MX2: variants seen among roughly 807,000 people sequenced by gnomAD.
The protein encoded by MX2 is interferon-induced GTP-binding protein Mx2.
MX2 carries 51 observed loss-of-function variants against 74.0 expected under a neutral mutation model. The ratio of observed to expected loss-of-function variants is 0.69; its 90% CI spans 0.55 to 0.87. The LOEUF is 0.87. MX2 is among the 40% of genes least tolerant of loss of function. The pLI, the probability that MX2 is intolerant of heterozygous loss-of-function variation, is 0.00. For synonymous variants in MX2, 369 were observed against 339.3 expected, an observed-to-expected ratio of 1.09 and a Z score of -0.96; for missense variants, 832 against 908.7, an observed-to-expected ratio of 0.92 and a Z score of 1.09.
At chr21:41,377,373 G>A (rs568850047) in intron 2 of MX2, among the ~76,000 whole-genome samples, 2 of 152,318 alleles carry the variant, frequency 1.3e-5, no homozygotes, top group African/African-American at 4.8e-5. Flanking sequence ...GCTTCTGTGT[G>A]CGGGGGTCCC....
chr21:41,390,537 C>CT (rs779751773), intron 5 of MX2, 28 bp from the exon 6 acceptor site: 4 of 1,613,652 alleles, frequency 2.5e-6, no homozygotes, highest in Non-Finnish European at 1.7e-6. Flanking sequence ...GACGTGTGCT[C>CT]TTTCTTTGTG....
chr21:41,401,870 C>G, intron 10 of MX2, 100 bp from the exon 11 acceptor site: 4 of 1,324,972 alleles, frequency 3.0e-6, no homozygotes, highest in African/African-American at 1.5e-5. Flanking sequence ...AACATTGCCT[C>G]TGCGTACAGT....
intron 6 of MX2, among the ~76,000 whole-genome samples, chr21:41,392,726 A>G (rs1276257975): frequency 6.6e-6 from 1 of 152,270 alleles, no homozygotes; most frequent in Non-Finnish European, 1.5e-5. Context: ...GTAGCTAAAG[A>G]CAGAGCAGGG....
At position 41,403,282 on chromosome 21, in the gene MX2, C is replaced by T; in HGVS notation, c.1589C>T (p.Ala530Val). ...TTTTGGTCAGAAATTATCCAGCAAG[C>T]TTTCATTAACGTGGCCAAAAAACAT... ...LQKAMEIIQQ[A>V]FINVAKKHFG... is the part of the protein sequence containing the mutation. The change falls in exon 12 of 14, where the codon GCT becomes GTT. Residue 530 changes from alanine (A) to valine (V), a missense_variant. Ala to Val is a moderately conservative substitution (Grantham distance 64). Coordinates refer to ENST00000330714, the MANE Select transcript of MX2 (RefSeq NM_002463.2). 1.9e-6 allele frequency: 3 copies of T among 1,612,794 alleles called. No individual in the cohort carries two copies. The highest frequency in any genetic ancestry group is 2.5e-6 in the Non-Finnish European group (3 of 1,179,254).
chr21:41,377,231 A>G (rs1362823785), intron 2 of MX2, 76 bp downstream of exon 2: 3 of 1,568,736 alleles, frequency 1.9e-6, no homozygotes, highest in Non-Finnish European at 2.6e-6. Context: ...TAAGCCCACC[A>G]CAATAATAGA....
At chr21:41,386,575 C>T (rs1601412587) in intron 5 of MX2, among the ~76,000 whole-genome samples, 1 of 152,190 alleles carries the variant, frequency 6.6e-6, no homozygotes, top group Non-Finnish European at 1.5e-5. Flanking sequence ...CCTCCTTGGC[C>T]CCCTGTAGTC....
Position 41,393,629 on chromosome 21 carries a change from A to G in MX2, c.872-1958A>G, listed in dbSNP as rs145709172. ...ATTCTCAGGCCTCTAAGTATGGAAA[A>G]CTTGGTTCTGGGCTCTCCTTCTATC... is the stretch of plus-strand genomic sequence containing the variant. On this transcript the variant is annotated intron_variant, in intron 6 of 13. Coordinates refer to ENST00000330714, the MANE Select transcript of MX2 (RefSeq NM_002463.2). Among the ~76,000 whole-genome samples, 599 of 152,070 alleles carry G rather than the reference A, an allele frequency of 3.9e-3. 6 individuals carry two copies. Among genetic ancestry groups the G allele is most frequent in the African/African-American group, 0.014 (574 of 41,430 alleles).
chr21:41,399,135 C>T (rs916104149), intron 9 of MX2, 61 bp from the exon 10 acceptor site: 47 of 1,599,064 alleles, frequency 2.9e-5, no homozygotes, highest in Middle Eastern at 1.7e-4. Context: ...CTCCTTGCAA[C>T]GCCGGTCCCA....
intron 10 of MX2, chr21:41,401,127 G>A (rs1033754884): frequency 6.6e-6 from 1 of 152,148 alleles, no homozygotes; most frequent in African/African-American, 2.4e-5. Flanking sequence ...TGACACATGG[G>A]GATTACAATT....
rs369767516 is a variant in MX2, at chr21:41,399,026, A to T, written c.1272+7A>T. 1.2e-6 allele frequency: 2 copies of T among 1,611,786 alleles called. No individual in the cohort carries two copies. The highest frequency in any genetic ancestry group is 1.7e-6 in the Non-Finnish European group (2 of 1,178,380). ...GATGTTCTTTCTAATTGAGGTGAGG[A>T]TTTCCGCAGGACTCCACGTGACACT... On this transcript the variant is annotated splice_region_variant and intron_variant, in intron 9 of 13. Coordinates refer to ENST00000330714, the MANE Select transcript of MX2 (RefSeq NM_002463.2).
chr21:41,403,112 C>G (rs1015791003), intron 11 of MX2, 155 bp from the exon 12 acceptor site: 5 of 610,232 alleles, frequency 8.2e-6, no homozygotes, highest in Non-Finnish European at 8.8e-6. Context: ...ATGTCCCACC[C>G]TCTCCTATCG....
intron 5 of MX2, among the ~76,000 whole-genome samples, chr21:41,385,954 G>A (rs1453837746): frequency 1.3e-5 from 2 of 151,970 alleles, no homozygotes; most frequent in Non-Finnish European, 2.9e-5. Context: ...GGCACCAATA[G>A]GCTTGGTCAA....
chr21:41,408,418 C>A lies in MX2; in HGVS notation c.*185C>A. ...ACACAGGCTCAGCTCTCTCCACCAC[C>A]CAGCTCTTCCCTGACCTTCACGAAG... is the stretch of plus-strand genomic sequence containing the variant. On this transcript the variant is annotated 3_prime_UTR_variant, in exon 14 of 14. Coordinates refer to ENST00000330714, the MANE Select transcript of MX2 (RefSeq NM_002463.2). The A allele has an allele frequency of 1.3e-6, 1 of 757,636 alleles. No homozygotes were observed. The highest frequency in any genetic ancestry group is 1.9e-5 in the South Asian group (1 of 52,164). 46.9% of individuals were successfully genotyped at this position (757,636 alleles called of 1,614,324 possible).
At chr21:41,407,149 A>AT (rs1341737967) in intron 13 of MX2, 151 bp downstream of exon 13, 2 of 722,488 alleles carry the variant, frequency 2.8e-6, no homozygotes, top group Non-Finnish European at 4.2e-6. Context: ...CTACTTATAT[A>AT]TTTTCTCATT....
chr21:41,403,409 G>A (rs374936679), intron 12 of MX2, 66 bp downstream of exon 12: 130 of 1,326,262 alleles, frequency 9.8e-5, no homozygotes, highest in Non-Finnish European at 1.4e-4. Flanking sequence ...AGAGAAGTTG[G>A]ATATTCACTG....
chr21:41,373,886 C>T (rs559333364), intron 1 of MX2: 4 of 152,254 alleles, frequency 2.6e-5, no homozygotes, highest in East Asian at 1.9e-4. Context: ...ACTGCACCCC[C>T]CTCCTAAACA....
chr21:41,383,896 G>T (rs2089532428), intron 5 of MX2, among the ~76,000 whole-genome samples: 1 of 152,152 alleles, frequency 6.6e-6, no homozygotes, highest in South Asian at 2.1e-4. Context: ...CCTAGAGACT[G>T]CAAAAGATCC....
intron 6 of MX2, among the ~76,000 whole-genome samples, chr21:41,394,936 G>T (rs1170107419): frequency 7.2e-6 from 1 of 139,644 alleles, no homozygotes; most frequent in Non-Finnish European, 1.5e-5. Context: ...TCTCAAAAAA[G>T]AAAGAGAGAG....
chr21:41,397,571 C>T (rs1416367485), intron 7 of MX2, 42 bp from the exon 8 acceptor site: 1 of 1,573,704 alleles, frequency 6.4e-7, no homozygotes, highest in Non-Finnish European at 8.7e-7. Context: ...CAAGATGGTA[C>T]ACAAGTCCTT....
Sources: allele counts gnomAD v4.1 joint callset (sites outside exome capture counted in the v4.1 genomes callset), GRCh38; gene constraint gnomAD v4.1.1; transcripts MANE v1.5; gene names NCBI Gene and HGNC (gene_info 2026-07-23, HGNC 2026-07-21).